TRIM67: variants seen among roughly 807,000 people sequenced by gnomAD.
TRIM67 encodes tripartite motif-containing protein 67.
TRIM67 carries 39 observed loss-of-function variants against 71.0 expected under a neutral mutation model. The observed-to-expected ratio is 0.55, with a 90% CI of 0.43 to 0.72. TRIM67 has a LOEUF of 0.72. Among genes scored for constraint, TRIM67 ranks in the 30% least tolerant of loss-of-function variants. The pLI is 0.00. For missense variants in TRIM67, 973 were observed against 1,079.2 expected (o/e 0.90, Z 1.38); for synonymous variants, 481 against 473.9 (o/e 1.01, Z -0.19).
intron 8 of TRIM67, 106 bp from the exon 9 acceptor site, chr1:231,213,709 T>G: frequency 7.4e-7 from 1 of 1,358,620 alleles, no homozygotes; most frequent in Non-Finnish European, 9.9e-7. Flanking sequence ...CCAGCCTGGG[T>G]GACAGAGTGA....
At chr1:231,207,661 T>C (rs1205076033) in intron 7 of TRIM67, among the ~76,000 whole-genome samples, 1 of 152,176 alleles carries the variant, frequency 6.6e-6, no homozygotes, top group Non-Finnish European at 1.5e-5. Flanking sequence ...AGTAGGAGCA[T>C]GAGCAGATGC....
rs1013514963 is a variant in TRIM67, at chr1:231,215,931, GAA to G, written c.*493_*494del. 3.3e-5 allele frequency: 33 copies of G among 988,360 alleles called. No individual in the cohort carries two copies. Among genetic ancestry groups the G allele is most frequent in the Non-Finnish European group, 4.0e-5 (33 of 832,120 alleles). The allele number at this position is 988,360 out of a possible 1,614,324, so 61.2% of individuals were successfully genotyped here. A position where few individuals can be genotyped will look rare whatever the true frequency, so the allele number is the denominator to read the frequency against. The stretch of plus-strand genomic sequence containing the variant: ...AGATTGCAGATTCTCATCATGCTGA[GAA>G]AGTTATCTTTTAGCTTCTTGGTCCT... On this transcript the variant is annotated 3_prime_UTR_variant, in exon 10 of 10. Coordinates refer to ENST00000366653, the MANE Select transcript of TRIM67 (RefSeq NM_001004342.5).
Position 231,177,622 on chromosome 1 carries a change from T to C in TRIM67, c.1044+13609T>C, listed in dbSNP as rs543340790. Among the ~76,000 whole-genome samples, 3 of 152,324 alleles carry C rather than the reference T, an allele frequency of 2.0e-5. No individual in the cohort carries two copies. In the South Asian group the frequency reaches 6.2e-4, roughly 32 times the overall value. ...CCTGCCAAATGGGATATTCTTACAGTCTCCATGGGCATTTTTACTAATAAC... is the reference window on the plus strand; with the variant it reads ...CCTGCCAAATGGGATATTCTTACAGCCTCCATGGGCATTTTTACTAATAAC... On this transcript the variant is annotated intron_variant, in intron 1 of 9. Coordinates refer to ENST00000366653, the MANE Select transcript of TRIM67 (RefSeq NM_001004342.5).
chr1:231,164,907 T>TATAA (rs1682409481), intron 1 of TRIM67, among the ~76,000 whole-genome samples: 1 of 152,226 alleles, frequency 6.6e-6, no homozygotes, highest in Admixed American at 6.5e-5. Flanking sequence ...GAGCATACGT[T>TATAA]GTTATTATAA....
chr1:231,209,277 C>A lies in TRIM67; in HGVS notation c.2123+27C>A. On this transcript the variant is annotated intron_variant, in intron 8 of 9. Coordinates refer to ENST00000366653, the MANE Select transcript of TRIM67 (RefSeq NM_001004342.5). This position sits in a 1 kb window ranked among gnomAD's most constrained non-coding sequence, Gnocchi z 4.1. The stretch of plus-strand genomic sequence containing the variant: ...TGCGATTGGGCCCCATCCTGCCTCC[C>A]GTGGACACAGGTTGTTTGGGAATGA... 6.6e-7 allele frequency: 1 copy of A among 1,513,144 alleles called. No individual in the cohort carries two copies. The highest frequency in any genetic ancestry group is 1.3e-5 in the South Asian group (1 of 74,950). The allele number at this position is 1,513,144 out of a possible 1,614,324, so 93.7% of individuals were successfully genotyped here. A position where few individuals can be genotyped will look rare whatever the true frequency, so the allele number is the denominator to read the frequency against.
rs1411772318 is a variant in TRIM67 at position 231,217,286 on chromosome 1, C to G, written c.*1846C>G. 2 of 986,168 alleles carry G rather than the reference C, an allele frequency of 2.0e-6. No homozygotes were observed. Among genetic ancestry groups the G allele is most frequent in the Non-Finnish European group, 2.4e-6 (2 of 830,254 alleles). 61.1% of individuals were successfully genotyped at this position (986,168 alleles called of 1,614,324 possible). A position where few individuals can be genotyped will look rare whatever the true frequency, so the allele number is the denominator to read the frequency against. On this transcript the variant is annotated 3_prime_UTR_variant, in exon 10 of 10. Coordinates refer to ENST00000366653, the MANE Select transcript of TRIM67 (RefSeq NM_001004342.5). ...TGCGGAGCCTGGGAGCTATCTGCTT[C>G]ATGGAAGTCTAGGTCTTGCCTCTTC...
chr1:231,206,631 A>G, intron 6 of TRIM67, 21 bp from the exon 7 acceptor site: 1 of 1,557,372 alleles, frequency 6.4e-7, no homozygotes, highest in Non-Finnish European at 8.7e-7. Context: ...GAGCCTGGTG[A>G]GCAGCATTGC....
chr1:231,217,326 A>G lies in TRIM67; in HGVS notation c.*1886A>G. On this transcript the variant is annotated 3_prime_UTR_variant, in exon 10 of 10. Transcript: ENST00000366653. ...CTTGCCTCTTCCTTGTCATCTCACC[A>G]AGCGGTTTCTGGGTCTCCTCCTCCC... The G allele has an allele frequency of 1.0e-6, 1 of 985,570 alleles. No individual in the cohort carries two copies. Among genetic ancestry groups the G allele is most frequent in the Non-Finnish European group, 1.2e-6 (1 of 830,340 alleles). The allele number at this position is 985,570 out of a possible 1,614,324, so 61.1% of individuals were successfully genotyped here.
chr1:231,199,230 G>A, intron 3 of TRIM67, 61 bp downstream of exon 3: 16 of 1,539,666 alleles, frequency 1.0e-5, no homozygotes, highest in Non-Finnish European at 1.3e-5. Flanking sequence ...CCAGCGTGGG[G>A]TGGAGCACAG....
At chr1:231,187,711 G>T (rs898870003) in intron 1 of TRIM67, 18 of 761,796 alleles carry the variant, frequency 2.4e-5, no homozygotes, top group Non-Finnish European at 3.7e-5. Flanking sequence ...GGGTGGGAAA[G>T]GCGGGCAGAA....
Position 231,163,659 on chromosome 1 carries a change from C to A in TRIM67, c.690C>A (p.Tyr230Ter). The A allele has an allele frequency of 6.6e-7, 1 of 1,520,130 alleles. No individual in the cohort carries two copies. 94.2% of individuals were successfully genotyped at this position (1,520,130 alleles called of 1,614,324 possible). A position where few individuals can be genotyped will look rare whatever the true frequency, so the allele number is the denominator to read the frequency against. Residue 230 changes from tyrosine to a stop codon, truncating the protein, a stop_gained, in exon 1 of 10, where the codon TAC becomes TAA. Coordinates refer to ENST00000366653, the MANE Select transcript of TRIM67 (RefSeq NM_001004342.5). LOFTEE classifies it high-confidence loss of function. ...TCTGCGAGCAGTGCGACGTCCTCTA[C>A]TGCTCTGCCTGCCAGCTCAAGTGCC... is the stretch of plus-strand genomic sequence containing the variant. ...ATLCEQCDVL[Y>*]CSACQLKCHP...
rs1444380394 is a variant in TRIM67 at position 231,206,754 on chromosome 1, C to T, written c.1783C>T (p.Pro595Ser). ...AGCTTTCAACTCTTCTGGTGTCGGG[C>T]CTTACAGTAAAACTGTCGTCCTGCA... ...VKAFNSSGVGPYSKTVVLQTS... is the reference protein window; with the variant it reads ...VKAFNSSGVGSYSKTVVLQTS... Residue 595 changes from proline (P) to serine (S), a missense_variant, in exon 7 of 10, where the codon CCT becomes TCT. By Grantham distance (74) the Pro-to-Ser change is moderately conservative (BLOSUM62 -1). Coordinates refer to ENST00000366653, the MANE Select transcript of TRIM67 (RefSeq NM_001004342.5). The T allele has an allele frequency of 6.8e-6, 11 of 1,610,336 alleles. No individual in the cohort carries two copies. The highest frequency in any genetic ancestry group is 1.3e-5 in the African/African-American group (1 of 74,892).
In TRIM67 at chr1:231,209,346, G is replaced by A. The variant is rs1683802559; in HGVS notation, c.2123+96G>A. On this transcript the variant is annotated intron_variant, in intron 8 of 9. Coordinates refer to ENST00000366653, the MANE Select transcript of TRIM67 (RefSeq NM_001004342.5). This position sits in a 1 kb window ranked among gnomAD's most constrained non-coding sequence, Gnocchi z 4.1. The stretch of plus-strand genomic sequence containing the variant: ...TCCCTTCTGCTGTCCCCAAAGCCAG[G>A]AGGAATTGAGAGGAGGTATTTTCAG... The A allele has an allele frequency of 2.0e-5, 26 of 1,316,260 alleles. No individual in the cohort carries two copies. The highest frequency in any genetic ancestry group is 2.6e-5 in the Non-Finnish European group (26 of 987,436). The allele number at this position is 1,316,260 out of a possible 1,614,324, so 81.5% of individuals were successfully genotyped here.
At chr1:231,187,798 T>C (rs1683127453) in intron 1 of TRIM67, among the ~76,000 whole-genome samples, 1 of 152,192 alleles carries the variant, frequency 6.6e-6, no homozygotes, top group Non-Finnish European at 1.5e-5. Flanking sequence ...AAGGAGCTGC[T>C]GTAGTGCTTC....
Position 231,218,388 on chromosome 1 carries a change from G to T in TRIM67, c.*2948G>T, listed in dbSNP as rs1239463744. The T allele has an allele frequency of 1.0e-6, 1 of 986,142 alleles. No homozygotes were observed. Among genetic ancestry groups the T allele is most frequent in the Non-Finnish European group, 1.2e-6 (1 of 830,520 alleles). The allele number at this position is 986,142 out of a possible 1,614,324, so 61.1% of individuals were successfully genotyped here. On this transcript the variant is annotated 3_prime_UTR_variant, in exon 10 of 10. Coordinates refer to ENST00000366653, the MANE Select transcript of TRIM67 (RefSeq NM_001004342.5). ...GAATTCAAAGTAGTTTAAAAATGTCGAGTTCCATTGCATTGTAAATAGTGC... is the reference window on the plus strand; with the variant it reads ...GAATTCAAAGTAGTTTAAAAATGTCTAGTTCCATTGCATTGTAAATAGTGC...
chr1:231,164,055 G>C, intron 1 of TRIM67, 42 bp downstream of exon 1: 1 of 1,437,560 alleles, frequency 7.0e-7, no homozygotes. Flanking sequence ...CAGGGAAGAG[G>C]GTACGAGGAG....
At chr1:231,202,287 AGGC>A (rs1683575523) in intron 5 of TRIM67, among the ~76,000 whole-genome samples, 1 of 16,606 alleles carries the variant, frequency 6.0e-5, no homozygotes, top group African/African-American at 1.3e-4. Flanking sequence ...GAGGAGGTGG[AGGC>A]AGTAGTGGTG....
intron 6 of TRIM67, 22 bp from the exon 7 acceptor site, chr1:231,206,630 G>T: frequency 6.4e-7 from 1 of 1,555,538 alleles, no homozygotes; most frequent in Non-Finnish European, 8.7e-7. Flanking sequence ...GGAGCCTGGT[G>T]AGCAGCATTG....
chr1:231,175,337 A>C (rs887458371), intron 1 of TRIM67, among the ~76,000 whole-genome samples: 1 of 152,254 alleles, frequency 6.6e-6, no homozygotes, highest in Non-Finnish European at 1.5e-5. Context: ...CAAAGGCAGG[A>C]AGACCCTGCA....
Sources: allele counts gnomAD v4.1 joint callset (sites outside exome capture counted in the v4.1 genomes callset), GRCh38; gene constraint gnomAD v4.1.1; non-coding constraint Gnocchi (gnomAD v3.1); transcripts MANE v1.5; gene names NCBI Gene and HGNC (gene_info 2026-07-23, HGNC 2026-07-21).